SCAF8: variants seen among roughly 807,000 people sequenced by gnomAD.
SCAF8 encodes SR-related and CTD-associated factor 8.
Under a neutral mutation model 140.5 loss-of-function variants are expected in SCAF8, and 23 were observed. The observed-to-expected ratio is 0.16, with a 90% CI of 0.12 to 0.23. The LOEUF (loss-of-function observed/expected upper bound fraction) is 0.23. SCAF8 is among the 10% of genes least tolerant of loss of function. The pLI, the probability that SCAF8 is intolerant of heterozygous loss-of-function variation, is 1.00. For missense variants in SCAF8, 1,397 were observed against 1,555.7 expected (o/e 0.90, Z 1.72); for synonymous variants, 575 against 528.9 (o/e 1.09, Z -1.20).
chr6:154,733,881 G>T lies in SCAF8; in HGVS notation c.-20G>T, dbSNP rs771383445. 2 of 1,543,444 alleles carry T rather than the reference G, an allele frequency of 1.3e-6. No individual in the cohort carries two copies. Among genetic ancestry groups the T allele is most frequent in the African/African-American group, 1.4e-5 (1 of 69,710 alleles). On this transcript the variant is annotated 5_prime_UTR_variant, in exon 1 of 20. Coordinates refer to ENST00000367178, the MANE Select transcript of SCAF8 (RefSeq NM_014892.5). ...CGCCGCCTCTTCCGCCGCCGGGCTC[G>T]GGGCCTCCGCAGCGACAACATGGAG... is the stretch of plus-strand genomic sequence containing the variant.
Position 154,733,823 on chromosome 6 carries a change from C to T in SCAF8, c.-78C>T. On this transcript the variant is annotated 5_prime_UTR_variant, in exon 1 of 20. Transcript: ENST00000367178. Reference sequence around the variant, plus strand: ...CCCCTCCTCGCGGCCACGCAGCAGCCCGCGTCTCGCTCTCCCCACCCAGTG... The same window carrying T: ...CCCCTCCTCGCGGCCACGCAGCAGCTCGCGTCTCGCTCTCCCCACCCAGTG... 1 of 1,495,002 alleles carries T rather than the reference C, an allele frequency of 6.7e-7. No individual in the cohort carries two copies. The highest frequency in any genetic ancestry group is 8.9e-7 in the Non-Finnish European group (1 of 1,126,638). 92.6% of individuals were successfully genotyped at this position (1,495,002 alleles called of 1,614,324 possible).
chr6:154,772,469 T>G (rs1228544406), intron 1 of SCAF8, among the ~76,000 whole-genome samples: 1 of 152,146 alleles, frequency 6.6e-6, no homozygotes, highest in Non-Finnish European at 1.5e-5. Context: ...GTAGGCAGAT[T>G]GCTTGAGCCC....
chr6:154,757,281 C>T (rs1025138960), intron 1 of SCAF8, among the ~76,000 whole-genome samples: 1 of 152,166 alleles, frequency 6.6e-6, no homozygotes, highest in African/African-American at 2.4e-5. Context: ...AGGCATGAGC[C>T]ACCGTGCCCA....
At chr6:154,818,931 T>C (rs1778333301) in intron 14 of SCAF8, among the ~76,000 whole-genome samples, 1 of 152,178 alleles carries the variant, frequency 6.6e-6, no homozygotes, top group Non-Finnish European at 1.5e-5. Flanking sequence ...TTGTCTTTCA[T>C]TCACTTTTCC....
rs72135986 is a variant in SCAF8, at chr6:154,784,120, G to GATATATATATATAT, written c.160-3716_160-3703dup. Among the ~76,000 whole-genome samples, 229 of 106,686 alleles carry GATATATATATATAT rather than the reference G, an allele frequency of 2.1e-3. 3 individuals carry two copies. Among genetic ancestry groups the GATATATATATATAT allele is most frequent in the African/African-American group, 3.1e-3 (96 of 31,070 alleles). The allele number at this position is 106,686 out of a possible 152,430, so 70.0% of individuals were successfully genotyped here. ...TATTTACTTATCTCTGGTGTCTTGA[G>GATATATATATATAT]ATATATATATATATATATATATATA... On this transcript the variant is annotated intron_variant, in intron 3 of 19. Coordinates refer to ENST00000367178, the MANE Select transcript of SCAF8 (RefSeq NM_014892.5).
chr6:154,830,164 C>G (rs538055785), intron 18 of SCAF8, among the ~76,000 whole-genome samples: 1 of 152,140 alleles, frequency 6.6e-6, no homozygotes, highest in African/African-American at 2.4e-5. Context: ...TCATTTAATT[C>G]TCTTAATTCT....
rs191863843 is a variant in SCAF8, at chr6:154,827,104, T to C, written c.2072-68T>C. 175 of 1,236,468 alleles carry C rather than the reference T, an allele frequency of 1.4e-4. No individual in the cohort carries two copies. In the African/African-American group the frequency reaches 2.3e-3, roughly 16 times the overall value. 76.6% of individuals were successfully genotyped at this position (1,236,468 alleles called of 1,614,324 possible). On this transcript the variant is annotated intron_variant, in intron 17 of 19. Coordinates refer to ENST00000367178, the MANE Select transcript of SCAF8 (RefSeq NM_014892.5). Reference sequence around the variant, plus strand: ...GAATATGAAGTTTCATTTGTAGCTGTTGGAATCTTTGATTTAAAATAAGTA... The same window carrying C: ...GAATATGAAGTTTCATTTGTAGCTGCTGGAATCTTTGATTTAAAATAAGTA...
intron 3 of SCAF8, among the ~76,000 whole-genome samples, chr6:154,781,720 T>G (rs1181264531): frequency 6.6e-6 from 1 of 152,200 alleles, no homozygotes; most frequent in African/African-American, 2.4e-5. Flanking sequence ...TGTTTGTAGT[T>G]TTTGGTTATT....
chr6:154,784,559 A>G (rs1777196414), intron 3 of SCAF8, among the ~76,000 whole-genome samples: 1 of 152,174 alleles, frequency 6.6e-6, no homozygotes, highest in Non-Finnish European at 1.5e-5. Flanking sequence ...TGGGGAAAAA[A>G]TATTCCACGA....
At position 154,820,164 on chromosome 6, in the gene SCAF8, C is replaced by A. The variant is rs780048360; in HGVS notation, c.1636-13C>A. The A allele has an allele frequency of 2.2e-5, 34 of 1,554,326 alleles. No homozygotes were observed. Among genetic ancestry groups the A allele is most frequent in the African/African-American group, 4.2e-5 (3 of 71,412 alleles). On this transcript the variant is annotated splice_polypyrimidine_tract_variant and intron_variant, in intron 14 of 19. Transcript: ENST00000367178. ...GTATAACCTTTCTTTTTTCCTCTTC[C>A]CATTTACAATAGATCGCTTGGGCTT...
intron 1 of SCAF8, among the ~76,000 whole-genome samples, chr6:154,770,531 A>G (rs1776725055): frequency 2.0e-5 from 3 of 151,822 alleles, no homozygotes; most frequent in Admixed American, 2.0e-4. Flanking sequence ...TGCTTATGCC[A>G]CTGTACCACT....
At chr6:154,794,137 C>T (rs914083005) in intron 5 of SCAF8, among the ~76,000 whole-genome samples, 1 of 151,922 alleles carries the variant, frequency 6.6e-6, no homozygotes, top group African/African-American at 2.4e-5. Context: ...GCTGTGTTGC[C>T]CAGGCTGGTC....
intron 9 of SCAF8, among the ~76,000 whole-genome samples, chr6:154,807,464 T>TC (rs1359195283): frequency 6.6e-6 from 1 of 151,798 alleles, no homozygotes; most frequent in Non-Finnish European, 1.5e-5. Context: ...CACTGCTACC[T>TC]CCGCCTCTCA....
Position 154,733,515 on chromosome 6 carries a change from GC to G in SCAF8, c.-383del. 1.5e-6 allele frequency: 2 copies of G among 1,309,068 alleles called. No individual in the cohort carries two copies. Among genetic ancestry groups the G allele is most frequent in the South Asian group, 2.1e-5 (1 of 47,614 alleles). 81.1% of individuals were successfully genotyped at this position (1,309,068 alleles called of 1,614,324 possible). A position where few individuals can be genotyped will look rare whatever the true frequency, so the allele number is the denominator to read the frequency against. ...CGAGCGGCGGGGAGGTGAAACAGGAGCCCGTCGGAGGAAGGGGCAGAAGGGA... is the reference window on the plus strand; with the variant it reads ...CGAGCGGCGGGGAGGTGAAACAGGAGCCGTCGGAGGAAGGGGCAGAAGGGA... On this transcript the variant is annotated 5_prime_UTR_variant, in exon 1 of 20. An upstream open reading frame in the 5' UTR loses its in-frame stop. Coordinates refer to ENST00000367178, the MANE Select transcript of SCAF8 (RefSeq NM_014892.5).
intron 16 of SCAF8, among the ~76,000 whole-genome samples, chr6:154,822,611 G>A (rs1778453588): frequency 6.6e-6 from 1 of 152,058 alleles, no homozygotes; most frequent in African/African-American, 2.4e-5. Flanking sequence ...AACACCTTAG[G>A]TTTAAAATAA....
chr6:154,818,202 A>C (rs1778310067), intron 13 of SCAF8, among the ~76,000 whole-genome samples: 4 of 152,190 alleles, frequency 2.6e-5, no homozygotes, highest in Admixed American at 2.0e-4. Context: ...TTCTGTATTC[A>C]GAAAATATTG....
chr6:154,766,692 C>A (rs1219938263), intron 1 of SCAF8, among the ~76,000 whole-genome samples: 1 of 97,630 alleles, frequency 1.0e-5, no homozygotes, highest in African/African-American at 4.0e-5. Context: ...TTTGCTATAT[C>A]CACAATTTTA....
chr6:154,817,643 GATATTA>G (rs1165069420), intron 13 of SCAF8, among the ~76,000 whole-genome samples: 5 of 152,274 alleles, frequency 3.3e-5, no homozygotes, highest in Non-Finnish European at 5.9e-5. Flanking sequence ...TAATAAGTTT[GATATTA>G]ATATTAAAGA....
rs765628009 is a variant in SCAF8, at chr6:154,820,284, G to A, written c.1743G>A (p.Leu581=). 6.2e-7 allele frequency: 1 copy of A among 1,612,264 alleles called. No individual in the cohort carries two copies. Among genetic ancestry groups the A allele is most frequent in the East Asian group, 2.2e-5 (1 of 44,772 alleles). ...GGGAAAAAGTTAAAGTGGATGACTT[G>A]GAAGGTTTTGCAGAAGGAGGCATGA... ...IPWEKVKVDD[L]EGFAEGGMID... Residue 581 remains leucine (L), a synonymous_variant, in exon 15 of 20, where the codon TTG becomes TTA. Coordinates refer to ENST00000367178, the MANE Select transcript of SCAF8 (RefSeq NM_014892.5).
Sources: gnomAD v4.1 joint callset for allele counts (sites outside exome capture counted in the v4.1 genomes callset) on GRCh38, gnomAD v4.1.1 for gene constraint, MANE v1.5 for transcripts, NCBI Gene and HGNC (gene_info 2026-07-23, HGNC 2026-07-21) for gene names.